Variants in PRKD3 observed in about 807,000 individuals in gnomAD.
PRKD3 encodes the protein protein kinase D3.
In PRKD3, 47 loss-of-function variants were observed where a neutral mutation model predicts 99.2. The observed-to-expected ratio is 0.47, with a 90% CI of 0.38 to 0.60. PRKD3 has a LOEUF of 0.60. Among genes scored for constraint, PRKD3 ranks in the 20% least tolerant of loss-of-function variants. The probability of loss-of-function intolerance (pLI) is 0.00; values close to 1 mark genes in which losing one functional copy is unlikely to be tolerated. For synonymous variants in PRKD3, 392 were observed against 355.4 expected (o/e 1.10, Z -1.16); for missense variants, 1,019 against 1,088.4 (o/e 0.94, Z 0.90).
At chr2:37,254,325 G>T (rs748972352) in intron 17 of PRKD3, 36 bp from the exon 18 acceptor site, 5 of 1,534,642 alleles carry the variant, frequency 3.3e-6, no homozygotes, top group Non-Finnish European at 4.5e-6. Flanking sequence ...CATGAATTTG[G>T]GTGCACAGAG....
chr2:37,276,758 G>A lies in PRKD3; in HGVS notation c.1297-914C>T, dbSNP rs187057989. Among the ~76,000 whole-genome samples, 270 of 150,494 alleles carry A rather than the reference G, an allele frequency of 1.8e-3. 3 individuals carry two copies. Among genetic ancestry groups the A allele is most frequent in the South Asian group, 5.7e-3 (27 of 4,738 alleles). On this transcript the variant is annotated intron_variant, in intron 9 of 18. Coordinates refer to ENST00000234179, the MANE Select transcript of PRKD3 (RefSeq NM_005813.6). ...TCTTTGATACATTTAGGTTTATTAT[G>A]TATAAAGTATGAGGTGTGTGTATAT...
intron 1 of PRKD3, among the ~76,000 whole-genome samples, 154 bp downstream of exon 1, chr2:37,324,527 G>A (rs1485269659): frequency 3.0e-5 from 4 of 133,644 alleles, no homozygotes; most frequent in Admixed American, 2.2e-4. Context: ...TCCTGTCGCC[G>A]CCGCCGCCGC....
At chr2:37,268,497 G>A (rs928787267) in intron 13 of PRKD3, 2 of 359,818 alleles carry the variant, frequency 5.6e-6, no homozygotes, top group South Asian at 2.1e-5. Context: ...CACAGCCAAC[G>A]CTCCAATAAA....
chr2:37,302,241 C>T (rs1670963733), intron 2 of PRKD3, among the ~76,000 whole-genome samples: 1 of 152,112 alleles, frequency 6.6e-6, no homozygotes. Flanking sequence ...AACTGTTCCC[C>T]CATCCCCCGA....
intron 1 of PRKD3, among the ~76,000 whole-genome samples, chr2:37,323,806 C>A (rs1045325398): frequency 6.6e-6 from 1 of 152,202 alleles, no homozygotes; most frequent in Non-Finnish European, 1.5e-5. Context: ...CAGGGTGTAA[C>A]TTATCCTTCC....
chr2:37,260,419 A>G (rs746743961), intron 14 of PRKD3, 35 bp from the exon 15 acceptor site: 1 of 1,564,940 alleles, frequency 6.4e-7, no homozygotes. Context: ...GAGCAACTTA[A>G]GCAGAGAAAC....
At chr2:37,270,645 A>T (rs1355532707) in intron 12 of PRKD3, among the ~76,000 whole-genome samples, 1 of 152,220 alleles carries the variant, frequency 6.6e-6, no homozygotes, top group Admixed American at 6.5e-5. Flanking sequence ...ACACTTATAA[A>T]GACAAAGCCT....
intron 5 of PRKD3, among the ~76,000 whole-genome samples, 164 bp from the exon 6 acceptor site, chr2:37,286,533 G>A (rs1017027744): frequency 6.6e-6 from 1 of 152,088 alleles, no homozygotes; most frequent in African/African-American, 2.4e-5. Context: ...ACCAATCTTT[G>A]AATGAGAAAA....
chr2:37,297,696 A>G (rs1180231178), intron 2 of PRKD3, among the ~76,000 whole-genome samples: 1 of 152,104 alleles, frequency 6.6e-6, no homozygotes, highest in Non-Finnish European at 1.5e-5. Context: ...ATATTGCAGG[A>G]GGCCTTTCTA....
intron 7 of PRKD3, among the ~76,000 whole-genome samples, chr2:37,280,435 C>G (rs938420202): frequency 6.6e-6 from 1 of 152,102 alleles, no homozygotes; most frequent in Non-Finnish European, 1.5e-5. Context: ...TTTTAAATTT[C>G]CACATGACAA....
intron 4 of PRKD3, 72 bp downstream of exon 4, chr2:37,290,796 T>C: frequency 6.8e-7 from 1 of 1,460,626 alleles, no homozygotes. Flanking sequence ...TCATCTTGCT[T>C]TTTCACTGAT....
At chr2:37,271,508 G>T (rs1282907167) in intron 12 of PRKD3, among the ~76,000 whole-genome samples, 2 of 152,148 alleles carry the variant, frequency 1.3e-5, no homozygotes, top group Non-Finnish European at 2.9e-5. Flanking sequence ...CACAACAGGG[G>T]TCCCCAAGCC....
intron 1 of PRKD3, among the ~76,000 whole-genome samples, chr2:37,322,642 C>T (rs1160459335): frequency 1.3e-5 from 2 of 152,220 alleles, no homozygotes; most frequent in Non-Finnish European, 2.9e-5. Flanking sequence ...AGCAATTTCT[C>T]ACATACTGCC....
intron 2 of PRKD3, among the ~76,000 whole-genome samples, chr2:37,296,616 G>C (rs942931748): frequency 6.6e-6 from 1 of 152,024 alleles, no homozygotes; most frequent in Non-Finnish European, 1.5e-5. Flanking sequence ...GTAAGAGTCA[G>C]GCCGGGCGCA....
intron 7 of PRKD3, among the ~76,000 whole-genome samples, chr2:37,280,788 T>C (rs529618442): frequency 6.6e-6 from 1 of 152,130 alleles, no homozygotes; most frequent in African/African-American, 2.4e-5. Flanking sequence ...AAAACTTCTG[T>C]GCTACAAACA....
At chr2:37,268,322 CTGA>C in intron 13 of PRKD3, 1 of 470,954 alleles carries the variant, frequency 2.1e-6, no homozygotes, top group Non-Finnish European at 4.4e-6. Context: ...CTTTGTTCCT[CTGA>C]TGACAGGAAG....
chr2:37,293,339 T>G, intron 2 of PRKD3, 68 bp from the exon 3 acceptor site: 2 of 1,384,514 alleles, frequency 1.4e-6, no homozygotes, highest in Non-Finnish European at 1.9e-6. Flanking sequence ...CGTTTCAATT[T>G]TATCAAAGAA....
chr2:37,256,627 AATTT>A (rs1366360785), intron 17 of PRKD3, 31 bp downstream of exon 17: 72 of 1,246,992 alleles, frequency 5.8e-5, no homozygotes, highest in Admixed American at 2.0e-4. Flanking sequence ...ACATAGCCAA[AATTT>A]TTTTTTTTTT....
chr2:37,299,229 T>C (rs1296730309), intron 2 of PRKD3, among the ~76,000 whole-genome samples: 3 of 152,164 alleles, frequency 2.0e-5, no homozygotes, highest in African/African-American at 7.2e-5. Context: ...ACATATTATG[T>C]TTAATGATTT....
Sources: allele counts gnomAD v4.1 joint callset (sites outside exome capture counted in the v4.1 genomes callset), GRCh38; gene constraint gnomAD v4.1.1; transcripts MANE v1.5; gene names NCBI Gene and HGNC (gene_info 2026-07-23, HGNC 2026-07-21).